BCAS3: variants seen among roughly 807,000 people sequenced by gnomAD.
The protein encoded by BCAS3 is BCAS4/BCAS3 fusion.
A neutral mutation model predicts 116.1 loss-of-function variants in BCAS3; 53 were observed. That is an observed-to-expected ratio of 0.46 (90% CI 0.37 to 0.57). The LOEUF is 0.57. Among genes scored for constraint, BCAS3 ranks in the 20% least tolerant of loss-of-function variants. BCAS3 has a pLI of 0.00. For missense variants in BCAS3, 917 were observed against 1,165.4 expected (o/e 0.79, Z 3.10); for synonymous variants, 391 against 408.2 (o/e 0.96, Z 0.51).
intron 13 of BCAS3, among the ~76,000 whole-genome samples, chr17:60,946,873 T>A (rs1285402398): frequency 6.6e-6 from 1 of 152,148 alleles, no homozygotes; most frequent in East Asian, 1.9e-4. Context: ...ATCAGGCACC[T>A]GCACCCCAGC....
chr17:61,368,645 G>C lies in BCAS3; in HGVS notation c.2593+151G>C. 1 of 936,668 alleles carries C rather than the reference G, an allele frequency of 1.1e-6. No homozygotes were observed. Among genetic ancestry groups the C allele is most frequent in the Non-Finnish European group, 1.5e-6 (1 of 651,670 alleles). The allele number at this position is 936,668 out of a possible 1,614,324, so 58.0% of individuals were successfully genotyped here. A position where few individuals can be genotyped will look rare whatever the true frequency, so the allele number is the denominator to read the frequency against. ...AGTGGCTATCCGTCTGAGGAGCTCT[G>C]GTGTTGGGAAACCCTGTGTAAAGGG... On this transcript the variant is annotated intron_variant, in intron 23 of 23. Transcript: ENST00000407086. This position sits in a 1 kb window ranked among gnomAD's most constrained non-coding sequence, Gnocchi z 6.0.
At chr17:60,794,072 G>GTTTTTTGA (rs1555719401) in intron 6 of BCAS3, among the ~76,000 whole-genome samples, 4 of 152,070 alleles carry the variant, frequency 2.6e-5, no homozygotes, top group Non-Finnish European at 4.4e-5. Context: ...AACATCTACT[G>GTTTTTTGA]TTTTTTGATT....
At chr17:61,260,323 AGT>A (rs1275191552) in intron 22 of BCAS3, among the ~76,000 whole-genome samples, 1 of 152,198 alleles carries the variant, frequency 6.6e-6, no homozygotes, top group Non-Finnish European at 1.5e-5. Context: ...AGAAACCCAT[AGT>A]ACGTTAGACA....
chr17:60,714,977 T>C (rs553657101), intron 5 of BCAS3, among the ~76,000 whole-genome samples: 3 of 152,272 alleles, frequency 2.0e-5, no homozygotes, highest in East Asian at 3.9e-4. Flanking sequence ...TCCCTAACAA[T>C]GTTATTGACT....
chr17:61,310,553 CA>C (rs374976012), intron 22 of BCAS3, among the ~76,000 whole-genome samples: 5,331 of 97,094 alleles, frequency 0.055, 196 homozygotes, highest in African/African-American at 0.14. Context: ...GACTCTGTCT[CA>C]AAAAAAAAAA....
intron 23 of BCAS3, among the ~76,000 whole-genome samples, chr17:61,375,218 T>TTGTGTGTG (rs59961930): frequency 0.25 from 35,683 of 142,558 alleles, 4,861 homozygotes; most frequent in East Asian, 0.38. Context: ...AAAGCACTAT[T>TTGTGTGTG]TGTGTGTGTG....
rs148115293 is a variant in BCAS3 at position 60,707,678 on chromosome 17, A to T, written c.215-1541A>T. On this transcript the variant is annotated intron_variant, in intron 4 of 23. Coordinates refer to ENST00000407086, the MANE Select transcript of BCAS3 (RefSeq NM_017679.5). ...CTTAGTATTTTCATAGACATCCTTT[A>T]TTCTTGATTTGCTGAGTTTTTAAAA... Among the ~76,000 whole-genome samples, 162 of 137,306 alleles carry T rather than the reference A, an allele frequency of 1.2e-3. 1 individual carries two copies. The highest frequency in any genetic ancestry group is 3.9e-3 in the African/African-American group (158 of 40,462). The allele number at this position is 137,306 out of a possible 152,430, so 90.1% of individuals were successfully genotyped here.
In BCAS3 at chr17:60,969,415, A is replaced by G. The variant is rs139256912; in HGVS notation, c.1222-20556A>G. Reference sequence around the variant, plus strand: ...GAAAAGTCTACAACTTAAAAATACAATATCAAAAATAAAAATGAAATGGAT... The same window carrying G: ...GAAAAGTCTACAACTTAAAAATACAGTATCAAAAATAAAAATGAAATGGAT... On this transcript the variant is annotated intron_variant, in intron 14 of 23. Transcript: ENST00000407086. Among the ~76,000 whole-genome samples, 20 of 152,342 alleles carry G rather than the reference A, an allele frequency of 1.3e-4. No individual in the cohort carries two copies. The East Asian group carries it at 1.9e-3, about 15-fold the overall frequency.
rs1384028480 is a variant in BCAS3 at position 61,391,161 on chromosome 17, GATGGATCAAGCTGCCAT to G, written c.2594-813_2594-797del. 1.3e-5 allele frequency: 2 copies of G among 152,302 alleles called. No homozygotes were observed. Among genetic ancestry groups the G allele is most frequent in the Non-Finnish European group, 2.9e-5 (2 of 68,098 alleles). The allele number at this position is 152,302 out of a possible 1,614,324, so 9.4% of individuals were successfully genotyped here. Reference sequence around the variant, plus strand: ...AATTGAGCGGCCCACAGCTGAATTAGATGGATCAAGCTGCCATATCTGAGGTGGCAACATGGATGTGC... The same window carrying G: ...AATTGAGCGGCCCACAGCTGAATTAGATCTGAGGTGGCAACATGGATGTGC... On this transcript the variant is annotated intron_variant, in intron 23 of 23. Transcript: ENST00000407086. The surrounding 1 kb of genome is among the most constrained non-coding windows in gnomAD (Gnocchi z 7.7).
At chr17:60,759,045 C>T (rs943279260) in intron 6 of BCAS3, among the ~76,000 whole-genome samples, 10 of 151,268 alleles carry the variant, frequency 6.6e-5, no homozygotes, top group African/African-American at 2.4e-4. Flanking sequence ...ACGATCTCGA[C>T]TCACTGCAAC....
chr17:60,682,433 C>A (rs1164504994), intron 2 of BCAS3, among the ~76,000 whole-genome samples: 1 of 151,996 alleles, frequency 6.6e-6, no homozygotes, highest in Non-Finnish European at 1.5e-5. Context: ...GGGCATATTG[C>A]TTTTTTAATA....
intron 19 of BCAS3, among the ~76,000 whole-genome samples, chr17:61,074,091 ACAG>A (rs2071703388): frequency 6.7e-6 from 1 of 149,862 alleles, no homozygotes; most frequent in African/African-American, 2.5e-5. Flanking sequence ...CATGTGTAAC[ACAG>A]CAAGATCCTA....
chr17:61,104,880 A>G lies in BCAS3; in HGVS notation c.2425+20316A>G, dbSNP rs1195572021. On this transcript the variant is annotated intron_variant, in intron 22 of 23. Coordinates refer to ENST00000407086, the MANE Select transcript of BCAS3 (RefSeq NM_017679.5). This position sits in a 1 kb window ranked among gnomAD's most constrained non-coding sequence, Gnocchi z 4.1. ...TGGTTCTGCAAGTAACCACTGCAAA[A>G]AAGATTTCCTGGTAGAAGTAAGTAG... Among the ~76,000 whole-genome samples the G allele has an allele frequency of 6.6e-6, 1 of 152,226 alleles. No individual in the cohort carries two copies. The highest frequency in any genetic ancestry group is 2.4e-5 in the African/African-American group (1 of 41,462).
intron 7 of BCAS3, among the ~76,000 whole-genome samples, chr17:60,827,798 G>A (rs1043898802): frequency 1.3e-5 from 2 of 152,048 alleles, no homozygotes; most frequent in African/African-American, 4.8e-5. Flanking sequence ...GAGTAGCAGT[G>A]CCATCTTCAC....
At chr17:60,882,850 T>C (rs2056305330) in intron 9 of BCAS3, among the ~76,000 whole-genome samples, 1 of 140,498 alleles carries the variant, frequency 7.1e-6, no homozygotes, top group South Asian at 2.3e-4. Flanking sequence ...TGTAGCCTTG[T>C]AGTATAGTTT....
At position 60,847,659 on chromosome 17, in the gene BCAS3, T is replaced by C. The variant is rs2052657872; in HGVS notation, c.477-20917T>C. ...TTCTTTGGAAAAATGTCTATTCAATTCCTTTGCCCACTTTTTTTTTCTCAT... is the reference window on the plus strand; with the variant it reads ...TTCTTTGGAAAAATGTCTATTCAATCCCTTTGCCCACTTTTTTTTTCTCAT... On this transcript the variant is annotated intron_variant, in intron 7 of 23. Coordinates refer to ENST00000407086, the MANE Select transcript of BCAS3 (RefSeq NM_017679.5). Among the ~76,000 whole-genome samples the C allele has an allele frequency of 2.0e-5, 3 of 152,210 alleles. No individual in the cohort carries two copies. In the South Asian group the frequency reaches 6.2e-4, roughly 32 times the overall value.
intron 23 of BCAS3, among the ~76,000 whole-genome samples, chr17:61,370,892 G>T (rs1468596072): frequency 6.6e-6 from 1 of 152,206 alleles, no homozygotes; most frequent in Non-Finnish European, 1.5e-5. Flanking sequence ...GAAATACAGT[G>T]CAACGTGGGT....
chr17:60,963,520 A>C (rs1193181593), intron 14 of BCAS3, among the ~76,000 whole-genome samples: 1 of 149,830 alleles, frequency 6.7e-6, no homozygotes, highest in Non-Finnish European at 1.5e-5. Flanking sequence ...TTTCTTTTTC[A>C]GATTGTTCCC....
intron 6 of BCAS3, among the ~76,000 whole-genome samples, chr17:60,747,636 G>A (rs1281372044): frequency 1.3e-5 from 2 of 152,002 alleles, no homozygotes; most frequent in Non-Finnish European, 2.9e-5. Flanking sequence ...CCTTTGTTAT[G>A]TTTCTGGCTT....
Sources: allele counts gnomAD v4.1 joint callset (sites outside exome capture counted in the v4.1 genomes callset), GRCh38; gene constraint gnomAD v4.1.1; non-coding constraint Gnocchi (gnomAD v3.1); transcripts MANE v1.5; gene names NCBI Gene and HGNC (gene_info 2026-07-23, HGNC 2026-07-21).